The following RAD51AP2 variants were observed in gnomAD, a reference collection of about 807,000 sequenced individuals.
RAD51AP2 encodes the protein RAD51 associated protein 2, also known as RAD51-associated protein 2.
RAD51AP2 carries 67 observed loss-of-function variants against 85.5 expected under a neutral mutation model. The ratio of observed to expected loss-of-function variants is 0.78; its 90% confidence interval spans 0.64 to 0.96. RAD51AP2 has a LOEUF of 0.96. Ranked by LOEUF, RAD51AP2 falls within the 40% of genes least tolerant of loss-of-function variation. The pLI is 0.00. For synonymous variants in RAD51AP2, 474 were observed against 446.5 expected (o/e 1.06, Z -0.78); for missense variants, 1,307 against 1,332.4 (o/e 0.98, Z 0.30).
At chr2:17,520,520 G>C (rs1460023821), upstream of RAD51AP2, among the ~76,000 whole-genome samples, 2 of 152,024 alleles carry the variant, frequency 1.3e-5, no homozygotes, top group Non-Finnish European at 2.9e-5. Context: ...ACAGTAAACT[G>C]AGCTTTAAAG....
In RAD51AP2 at chr2:17,518,216, G is replaced by C. The variant is rs1662754701; in HGVS notation, c.200C>G (p.Ser67Cys). 1 of 1,614,026 alleles carries C rather than the reference G, an allele frequency of 6.2e-7. No homozygotes were observed. Among genetic ancestry groups the C allele is most frequent in the South Asian group, 1.1e-5 (1 of 91,084 alleles). Residue 67 changes from serine to cysteine, a missense_variant, in exon 1 of 3, where the codon TCC becomes TGC. Around this residue, in one of 3 missense-constraint regions of RAD51AP2, gnomAD observed 635 missense variants for 643.6 expected, o/e 0.99. Transcript: ENST00000399080. ...LSEAEKVWEL[S>C]PRPFKGLLVS... is the part of the protein sequence containing the mutation. Reference sequence around the variant, plus strand: ...AAGGAGTCCCTTGAAGGGTCTAGGGGACAACTCCCAGACTTTTTCCGCCTC... The same window carrying C: ...AAGGAGTCCCTTGAAGGGTCTAGGGCACAACTCCCAGACTTTTTCCGCCTC...
chr2:17,518,805 G>T (rs952880148), upstream of RAD51AP2, among the ~76,000 whole-genome samples: 2 of 152,002 alleles, frequency 1.3e-5, no homozygotes, highest in Non-Finnish European at 2.9e-5. Context: ...TTTGTGAATG[G>T]TAACAACTTT....
At chr2:17,515,096 A>G in intron 1 of RAD51AP2, 73 bp downstream of exon 1, 1 of 1,174,328 alleles carries the variant, frequency 8.5e-7, no homozygotes, top group Non-Finnish European at 1.2e-6. Context: ...TCAAAATTAT[A>G]CATTTGGCCT....
In RAD51AP2 at chr2:17,516,030, C is replaced by T. The variant is rs774186830; in HGVS notation, c.2386G>A (p.Ala796Thr). The change falls in exon 1 of 3, where the codon GCA becomes ACA. Residue 796 changes from alanine to threonine, a missense_variant. Physicochemically the swap from Ala to Thr is moderately conservative, Grantham distance 58. This residue lies in a region of RAD51AP2 where 668 missense variants were observed against 671.0 expected (regional missense o/e 1.00). Transcript: ENST00000399080. ...TCATTATGTATTATGTTGTGGCTTGCTGGTATGGCCTGTTGCCTAACATTG... is the reference window on the plus strand; with the variant it reads ...TCATTATGTATTATGTTGTGGCTTGTTGGTATGGCCTGTTGCCTAACATTG... ...LCNVRQQAIPASHNIIHNEET... is the reference protein window; with the variant it reads ...LCNVRQQAIPTSHNIIHNEET... 1.1e-5 allele frequency: 18 copies of T among 1,613,668 alleles called. No homozygotes were observed.
chr2:17,537,742 T>TA, the RAD51AP2 span, among the ~76,000 whole-genome samples: 4 of 152,320 alleles, frequency 2.6e-5, no homozygotes, highest in South Asian at 8.3e-4. Context: ...TTACATGGAG[T>TA]ATTTTACACC....
upstream of RAD51AP2, among the ~76,000 whole-genome samples, chr2:17,519,791 C>T (rs1662817239): frequency 6.6e-6 from 1 of 152,136 alleles, no homozygotes; most frequent in Non-Finnish European, 1.5e-5. Context: ...ATCTTATGTT[C>T]TATTGCTTTT....
chr2:17,513,478 C>T (rs1662557023), intron 2 of RAD51AP2, among the ~76,000 whole-genome samples: 1 of 152,034 alleles, frequency 6.6e-6, no homozygotes, highest in Admixed American at 6.6e-5. Flanking sequence ...ACCTCGTGAT[C>T]CGCCCACCTC....
chr2:17,526,985 G>T, the RAD51AP2 span, among the ~76,000 whole-genome samples: 5 of 152,132 alleles, frequency 3.3e-5, no homozygotes, highest in African/African-American at 1.2e-4. Context: ...TTTTTCTGTT[G>T]CTTTGAGGAA....
chr2:17,512,642 T>C (rs904880458), intron 2 of RAD51AP2, among the ~76,000 whole-genome samples: 2 of 152,214 alleles, frequency 1.3e-5, no homozygotes, highest in African/African-American at 4.8e-5. Context: ...CATGAGGATA[T>C]ACTCCTAATC....
chr2:17,516,821 C>A lies in RAD51AP2; in HGVS notation c.1595G>T (p.Cys532Phe). The change falls in exon 1 of 3, where the codon TGC becomes TTC. Residue 532 changes from cysteine to phenylalanine, a missense_variant. Physicochemically the swap from Cys to Phe is radical, Grantham distance 205. Around this residue, in one of 3 missense-constraint regions of RAD51AP2, gnomAD observed 635 missense variants for 643.6 expected, o/e 0.99. Transcript: ENST00000399080. ...CTTTTTACACTTCAAAATGTTACAG[C>A]AGGTTAAAATACTATTATCTTTTTT... Reference protein sequence around the residue: ...GNKKDNSILTCCNILKCKKQI... With the variant: ...GNKKDNSILTFCNILKCKKQI... The A allele has an allele frequency of 6.5e-7, 1 of 1,546,088 alleles. No individual in the cohort carries two copies. The highest frequency in any genetic ancestry group is 8.7e-7 in the Non-Finnish European group (1 of 1,144,558).
At position 17,516,287 on chromosome 2, in the gene RAD51AP2, T is replaced by C. The variant is rs771762991; in HGVS notation, c.2129A>G (p.Asn710Ser). ...CACAACTTGTTGAGGACAACTCATA[T>C]TCTGACAAGTAATTTCTCTTATTAA... Reference protein sequence around the residue: ...ISLIREITCQNMSCPQQVVNV... With the variant: ...ISLIREITCQSMSCPQQVVNV... The change falls in exon 1 of 3, where the codon AAT becomes AGT. Residue 710 changes from asparagine to serine, a missense_variant. Physicochemically the swap from Asn to Ser is conservative, Grantham distance 46 (BLOSUM62 1). Coordinates refer to ENST00000399080, the MANE Select transcript of RAD51AP2 (RefSeq NM_001099218.3). 7 of 1,609,846 alleles carry C rather than the reference T, an allele frequency of 4.3e-6. No homozygotes were observed. In the South Asian group the frequency reaches 6.7e-5, roughly 15 times the overall value.
Position 17,516,826 on chromosome 2 carries a change from T to A in RAD51AP2, c.1590A>T (p.Leu530Phe), listed in dbSNP as rs1330831002. 6.5e-7 allele frequency: 1 copy of A among 1,546,176 alleles called. No individual in the cohort carries two copies. The highest frequency in any genetic ancestry group is 1.4e-5 in the African/African-American group (1 of 71,660). ...TACACTTCAAAATGTTACAGCAGGTTAAAATACTATTATCTTTTTTATTTC... is the reference window on the plus strand; with the variant it reads ...TACACTTCAAAATGTTACAGCAGGTAAAAATACTATTATCTTTTTTATTTC... ...ISGNKKDNSILTCCNILKCKK... is the reference protein window; with the variant it reads ...ISGNKKDNSIFTCCNILKCKK... The change falls in exon 1 of 3, where the codon TTA (leucine) becomes TTT (phenylalanine). Residue 530 changes from leucine (L) to phenylalanine (F), a missense_variant. Physicochemically the swap from Leu to Phe is conservative, Grantham distance 22. Coordinates refer to ENST00000399080, the MANE Select transcript of RAD51AP2 (RefSeq NM_001099218.3).
At chr2:17,523,802 C>T in the RAD51AP2 span, among the ~76,000 whole-genome samples, 3 of 151,998 alleles carry the variant, frequency 2.0e-5, no homozygotes, top group East Asian at 5.8e-4. Flanking sequence ...GTTCTGTTCA[C>T]AGGAAAACAA....
chr2:17,534,338 T>C, the RAD51AP2 span, among the ~76,000 whole-genome samples: 1 of 152,190 alleles, frequency 6.6e-6, no homozygotes, highest in Non-Finnish European at 1.5e-5. Context: ...TTCATCTTCT[T>C]CCTAAATTAT....
upstream of RAD51AP2, among the ~76,000 whole-genome samples, chr2:17,522,662 G>A (rs994089813): frequency 2.6e-5 from 4 of 152,012 alleles, no homozygotes; most frequent in East Asian, 1.9e-4. Flanking sequence ...ATTAGAATCC[G>A]TGCAATTGCA....
intron 1 of RAD51AP2, among the ~76,000 whole-genome samples, chr2:17,514,294 C>A (rs1421626543): frequency 5.3e-5 from 8 of 152,140 alleles, no homozygotes; most frequent in Admixed American, 5.2e-4. Flanking sequence ...TTGAATACAT[C>A]TTTATGAGAA....
the RAD51AP2 span, among the ~76,000 whole-genome samples, chr2:17,523,963 T>C: frequency 6.6e-6 from 1 of 151,974 alleles, no homozygotes; most frequent in African/African-American, 2.4e-5. Context: ...TTTGATTTGC[T>C]GAACATCTAT....
rs1309157883 is a variant in RAD51AP2 at position 17,515,255 on chromosome 2, G to A, written c.3161C>T (p.Pro1054Leu). 6.2e-7 allele frequency: 1 copy of A among 1,612,788 alleles called. No individual in the cohort carries two copies. Reference protein sequence around the residue: ...HQSLFKWKTVPNNGEQEVPNE... With the variant: ...HQSLFKWKTVLNNGEQEVPNE... ...AGGAACTTCCTGTTCTCCATTATTG[G>A]GTACAGTTTTCCATTTAAATAAACT... is the stretch of plus-strand genomic sequence containing the variant. Residue 1054 changes from proline (P) to leucine (L), a missense_variant, in exon 1 of 3, where the codon CCC becomes CTC. Coordinates refer to ENST00000399080, the MANE Select transcript of RAD51AP2 (RefSeq NM_001099218.3).
At position 17,516,954 on chromosome 2, in the gene RAD51AP2, T is replaced by C. The variant is rs376615884; in HGVS notation, c.1462A>G (p.Thr488Ala). The stretch of plus-strand genomic sequence containing the variant: ...GTAGTATTGTATCTCAACTGTAGAG[T>C]ATTATCATTTTCTCCTTTACCATTT... Reference protein sequence around the residue: ...WLNGKGENDNTLQLRYNTTQK... With the variant: ...WLNGKGENDNALQLRYNTTQK... Residue 488 changes from threonine (T) to alanine (A), a missense_variant, in exon 1 of 3, where the codon ACT (threonine) becomes GCT (alanine). Transcript: ENST00000399080. 2.5e-6 allele frequency: 4 copies of C among 1,598,878 alleles called. No homozygotes were observed. The highest frequency in any genetic ancestry group is 2.7e-5 in the African/African-American group (2 of 73,996).
Sources: gnomAD v4.1 joint callset for allele counts (sites outside exome capture counted in the v4.1 genomes callset) on GRCh38, gnomAD v4.1.1 for gene constraint, gnomAD v4.1.1 regional missense constraint, MANE v1.5 for transcripts, NCBI Gene and HGNC (gene_info 2026-07-23, HGNC 2026-07-21) for gene names.